FN1: variants seen among roughly 807,000 people sequenced by gnomAD.
FN1 encodes the protein fibronectin 1, also known as fibronectin.
A neutral mutation model predicts 297.3 loss-of-function variants in FN1; 106 were observed. That is an observed-to-expected ratio of 0.36 (90% CI 0.30 to 0.42). The LOEUF (loss-of-function observed/expected upper bound fraction) is 0.42, where lower values mean the gene tolerates loss of function less well. Ranked by LOEUF, FN1 falls within the 10% of genes least tolerant of loss-of-function variation. The pLI is 1.00. For synonymous variants in FN1, 1,149 were observed against 1,152.6 expected (o/e 1.00, Z 0.06); for missense variants, 2,690 against 3,124.9 (o/e 0.86, Z 3.32).
intron 22 of FN1, 73 bp from the exon 23 acceptor site, chr2:215,397,296 C>T (rs1559458278): frequency 9.7e-7 from 1 of 1,031,106 alleles, no homozygotes; most frequent in Non-Finnish European, 1.5e-6. Context: ...TCCTCCTTCC[C>T]TACCTCCCTC....
chr2:215,423,439 G>A lies in FN1; in HGVS notation c.1304C>T (p.Thr435Ile). ...CATGTTGTCTCTTCTGCCCTCAGAA[G>A]TGCAATCAGTGTAATTGTGGTTGTT... Reference protein sequence around the residue: ...LYNNHNYTDCTSEGRRDNMKW... With the variant: ...LYNNHNYTDCISEGRRDNMKW... Residue 435 changes from threonine (T) to isoleucine (I), a missense_variant, in exon 9 of 46, where the codon ACT (threonine) becomes ATT (isoleucine). This residue lies in a region of FN1 where 876 missense variants were observed against 1,058.1 expected (regional missense o/e 0.83). Coordinates refer to ENST00000354785, the MANE Select transcript of FN1 (RefSeq NM_212482.4). The A allele has an allele frequency of 6.2e-7, 1 of 1,614,196 alleles. No individual in the cohort carries two copies. Among genetic ancestry groups the A allele is most frequent in the South Asian group, 1.1e-5 (1 of 91,080 alleles).
chr2:215,404,501 A>G lies in FN1; in HGVS notation c.3141T>C (p.Ser1047=), dbSNP rs374879615. The G allele has an allele frequency of 1.3e-4, 203 of 1,613,978 alleles. 1 individual carries two copies. Among genetic ancestry groups the G allele is most frequent in the Non-Finnish European group, 1.6e-4 (193 of 1,179,998 alleles). The change falls in exon 20 of 46, where the codon TCT becomes TCC. Residue 1047 remains serine, a synonymous_variant. Coordinates refer to ENST00000354785, the MANE Select transcript of FN1 (RefSeq NM_212482.4). ...GATTCCTCAGTGGGTACTTGGAGAC[A>G]GAGGGACCCACATTGTACTGCCTGG... is the stretch of plus-strand genomic sequence containing the variant. The part of the protein sequence containing the change: ...GQPRQYNVGP[S]VSKYPLRNLQ...
At chr2:215,388,577 C>T (rs1385390727) in intron 26 of FN1, among the ~76,000 whole-genome samples, 4 of 152,158 alleles carry the variant, frequency 2.6e-5, no homozygotes, top group Non-Finnish European at 5.9e-5. Context: ...GATGAAGTTG[C>T]TGCAACAGCT....
At chr2:215,407,964 AC>A in intron 17 of FN1, 143 bp downstream of exon 17, 5 of 592,302 alleles carry the variant, frequency 8.4e-6, no homozygotes, top group South Asian at 5.1e-5. Flanking sequence ...CCACACACAC[AC>A]ACACACACAC....
chr2:215,366,032 G>A (rs892769510), intron 42 of FN1, among the ~76,000 whole-genome samples: 2 of 142,018 alleles, frequency 1.4e-5, no homozygotes, highest in Non-Finnish European at 3.0e-5. Context: ...TGGGTAGGCT[G>A]GTCTCAAACT....
chr2:215,389,676 G>C (rs2059473252), intron 26 of FN1, among the ~76,000 whole-genome samples: 1 of 152,136 alleles, frequency 6.6e-6, no homozygotes, highest in Non-Finnish European at 1.5e-5. Context: ...TGTAATCCCA[G>C]CTACTCGGGA....
At chr2:215,375,174 G>A in intron 38 of FN1, 40 bp downstream of exon 38, 1 of 1,591,990 alleles carries the variant, frequency 6.3e-7, no homozygotes, top group Non-Finnish European at 8.6e-7. Context: ...ATGTGTCCTA[G>A]GTAGTAAGAA....
At chr2:215,390,677 A>C (rs1217763467) in intron 26 of FN1, among the ~76,000 whole-genome samples, 1 of 132,564 alleles carries the variant, frequency 7.5e-6, no homozygotes, top group Admixed American at 7.6e-5. Flanking sequence ...TAGTGATTCC[A>C]GGGTGCTCTA....
At position 215,383,480 on chromosome 2, in the gene FN1, A is replaced by G. The variant is rs2058482018; in HGVS notation, c.4898T>C (p.Ile1633Thr). Residue 1633 changes from isoleucine to threonine, a missense_variant, in exon 31 of 46, where the codon ATT (isoleucine) becomes ACT (threonine). Ile to Thr is a moderately conservative substitution (Grantham distance 89). Around this residue, in one of 3 missense-constraint regions of FN1, gnomAD observed 1,743 missense variants for 1,945.2 expected, o/e 0.90. Coordinates refer to ENST00000354785, the MANE Select transcript of FN1 (RefSeq NM_212482.4). Reference sequence around the variant, plus strand: ...CACTTGCATCTGGGATGGTTTGTCAATTTCTACAAATAAAAGCAGGGAGAA... The same window carrying G: ...CACTTGCATCTGGGATGGTTTGTCAGTTTCTACAAATAAAAGCAGGGAGAA... Reference protein sequence around the residue: ...KPISINYRTEIDKPSQMQVTD... With the variant: ...KPISINYRTETDKPSQMQVTD... 3 of 1,614,130 alleles carry G rather than the reference A, an allele frequency of 1.9e-6. No homozygotes were observed. Among genetic ancestry groups the G allele is most frequent in the Non-Finnish European group, 1.7e-6 (2 of 1,180,008 alleles).
chr2:215,431,758 G>T, intron 4 of FN1, 75 bp downstream of exon 4: 1 of 1,458,746 alleles, frequency 6.9e-7, no homozygotes, highest in Non-Finnish European at 9.6e-7. Flanking sequence ...TATGACCTAT[G>T]TAGATGTGAT....
chr2:215,407,852 G>A (rs569173455), intron 17 of FN1, among the ~76,000 whole-genome samples: 1 of 152,102 alleles, frequency 6.6e-6, no homozygotes, highest in East Asian at 1.9e-4. Context: ...CCAATGAGCT[G>A]GCTTTACAGG....
intron 5 of FN1, among the ~76,000 whole-genome samples, 195 bp downstream of exon 5, chr2:215,430,520 A>G (rs1313094734): frequency 2.0e-5 from 3 of 152,298 alleles, no homozygotes; most frequent in Admixed American, 6.5e-5. Flanking sequence ...TATCAAAGTG[A>G]TATGTTTTTC....
chr2:215,383,231 C>T, intron 31 of FN1, 97 bp downstream of exon 31: 1 of 1,260,818 alleles, frequency 7.9e-7, no homozygotes, highest in Non-Finnish European at 1.2e-6. Flanking sequence ...TGGTCTCGAA[C>T]TCCTAACCTC....
At chr2:215,395,834 G>A (rs2692227) in intron 23 of FN1, among the ~76,000 whole-genome samples, 87,984 of 152,040 alleles carry the variant, frequency 0.58, 25,827 homozygotes, top group East Asian at 0.89. Context: ...CTTGCTAGTG[G>A]TCATCCATAT....
At chr2:215,369,505 A>G (rs1161332194) in intron 41 of FN1, among the ~76,000 whole-genome samples, 1 of 152,222 alleles carries the variant, frequency 6.6e-6, no homozygotes. Context: ...GTCACTTGGC[A>G]TAGACAGGAC....
At position 215,406,368 on chromosome 2, in the gene FN1, C is replaced by G. The variant is rs1196629506; in HGVS notation, c.2856G>C (p.Gln952His). The G allele has an allele frequency of 6.2e-7, 1 of 1,614,110 alleles. No individual in the cohort carries two copies. Among genetic ancestry groups the G allele is most frequent in the African/African-American group, 1.3e-5 (1 of 74,942 alleles). The stretch of plus-strand genomic sequence containing the variant: ...AGGTGTTCCTGCTGATGGGCAGCCT[C>G]TGCCCGTGCTCGCCAGGCAGGTTGA... The part of the protein sequence containing the change: ...IPVNLPGEHG[Q>H]RLPISRNTFA... Residue 952 changes from glutamine to histidine, a missense_variant, in exon 19 of 46, where the codon CAG becomes CAC. Gln to His is a conservative substitution (Grantham distance 24). Around this residue, in one of 3 missense-constraint regions of FN1, gnomAD observed 1,743 missense variants for 1,945.2 expected, o/e 0.90. Transcript: ENST00000354785.
Position 215,430,767 on chromosome 2 carries a change from T to C in FN1, c.633A>G (p.Val211=), listed in dbSNP as rs2106514966. ...TGCCTTCTCCCAGGCAAGTACAATC[T>C]ACCATCATCCAGCCTTGGTAGGGCT... The part of the protein sequence containing the change: ...WEKPYQGWMM[V]DCTCLGEGSG... The change falls in exon 5 of 46, where the codon GTA becomes GTG. Residue 211 remains valine, a synonymous_variant. Transcript: ENST00000354785. The C allele has an allele frequency of 4.3e-6, 7 of 1,614,160 alleles. No homozygotes were observed. Among genetic ancestry groups the C allele is most frequent in the Non-Finnish European group, 5.9e-6 (7 of 1,179,990 alleles).
intron 20 of FN1, among the ~76,000 whole-genome samples, chr2:215,401,821 G>C (rs1214311937): frequency 6.6e-6 from 1 of 151,710 alleles, no homozygotes; most frequent in Non-Finnish European, 1.5e-5. Context: ...TATTGTGTGA[G>C]AAAAAGCCAA....
intron 6 of FN1, among the ~76,000 whole-genome samples, chr2:215,425,878 A>G (rs961006468): frequency 1.3e-5 from 2 of 151,290 alleles, no homozygotes; most frequent in Non-Finnish European, 1.5e-5. Flanking sequence ...GGCCGGGATT[A>G]TATTTCTCAA....
Sources: allele counts gnomAD v4.1 joint callset (sites outside exome capture counted in the v4.1 genomes callset), GRCh38; gene constraint gnomAD v4.1.1; regional missense constraint gnomAD v4.1.1; transcripts MANE v1.5; gene names NCBI Gene and HGNC (gene_info 2026-07-23, HGNC 2026-07-21).